NAALAD2: variants seen among roughly 807,000 people sequenced by gnomAD.
NAALAD2 encodes the protein N-acetylated alpha-linked acidic dipeptidase 2.
A neutral mutation model predicts 95.6 loss-of-function variants in NAALAD2; 89 were observed. The ratio of observed to expected loss-of-function variants is 0.93; its 90% CI spans 0.78 to 1.11. The LOEUF (loss-of-function observed/expected upper bound fraction) is 1.11, where lower values mean the gene tolerates loss of function less well. NAALAD2 is among the 50% of genes least tolerant of loss of function. The pLI is 0.00. For missense variants in NAALAD2, 894 were observed against 872.4 expected, an observed-to-expected ratio of 1.02 and a Z score of -0.31; for synonymous variants, 264 against 294.4, an observed-to-expected ratio of 0.90 and a Z score of 1.06.
chr11:90,134,687 C>A lies in NAALAD2; in HGVS notation c.-72C>A. On this transcript the variant is annotated 5_prime_UTR_variant, in exon 1 of 19. Transcript: ENST00000534061. ...CAGAGCTCACAGCCTCCTGCCAGCG[C>A]GCTCTCTGTTTCTCTGCAGCCCCGA... 6.8e-7 allele frequency: 1 copy of A among 1,473,626 alleles called. No individual in the cohort carries two copies. Among genetic ancestry groups the A allele is most frequent in the South Asian group, 1.1e-5 (1 of 87,890 alleles). The allele number at this position is 1,473,626 out of a possible 1,614,324, so 91.3% of individuals were successfully genotyped here.
In NAALAD2 at chr11:90,173,924, C is replaced by T; in HGVS notation, c.1502+9C>T. On this transcript the variant is annotated intron_variant, in intron 14 of 18. Coordinates refer to ENST00000534061, the MANE Select transcript of NAALAD2 (RefSeq NM_005467.4). ...AATAAAAATTTGCCTAGGTAAGTTACTGATATGCACCTTTTCTACTGTAGG... is the reference window on the plus strand; with the variant it reads ...AATAAAAATTTGCCTAGGTAAGTTATTGATATGCACCTTTTCTACTGTAGG... The T allele has an allele frequency of 6.4e-7, 1 of 1,560,792 alleles. No homozygotes were observed. Among genetic ancestry groups the T allele is most frequent in the African/African-American group, 1.4e-5 (1 of 73,502 alleles).
At position 90,172,142 on chromosome 11, in the gene NAALAD2, G is replaced by A. The variant is rs141911987; in HGVS notation, c.1411-1682G>A. On this transcript the variant is annotated intron_variant, in intron 13 of 18. Transcript: ENST00000534061. ...CAATCCAAGCAGGATGTAGGAACTG[G>A]AACAGAATCTCTCTCAACCATTGTA... Among the ~76,000 whole-genome samples the A allele has an allele frequency of 5.4e-4, 82 of 152,284 alleles. 1 individual carries two copies. The highest frequency in any genetic ancestry group is 6.8e-3 in the Middle Eastern group (2 of 294).
At chr11:90,162,725 C>T in intron 8 of NAALAD2, 2 of 293,944 alleles carry the variant, frequency 6.8e-6, no homozygotes, top group Non-Finnish European at 1.3e-5. Context: ...AAGGTGCATG[C>T]TTAGGTGCTT....
chr11:90,146,343 A>ATT (rs71477596), intron 2 of NAALAD2, among the ~76,000 whole-genome samples: 561 of 48,014 alleles, frequency 0.012, 16 homozygotes, highest in Non-Finnish European at 0.015. Flanking sequence ...GGGGAGTTTA[A>ATT]TTTTTTTTTT....
Position 90,163,379 on chromosome 11 carries a change from T to C in NAALAD2, c.1145T>C (p.Val382Ala). The change falls in exon 10 of 19, where the codon GTT becomes GCT. Residue 382 changes from valine (V) to alanine (A), a missense_variant. Physicochemically the swap from Val to Ala is moderately conservative, Grantham distance 64. Transcript: ENST00000534061. ...GGAGCTATTGACCCAACCAGTGGGG[T>C]TGCTGTTTTGCAAGAAATTGCCCGG... is the stretch of plus-strand genomic sequence containing the variant. ...VFGAIDPTSGVAVLQEIARSF... is the reference protein window; with the variant it reads ...VFGAIDPTSGAAVLQEIARSF... 1.2e-6 allele frequency: 2 copies of C among 1,614,054 alleles called. No individual in the cohort carries two copies. The highest frequency in any genetic ancestry group is 8.5e-7 in the Non-Finnish European group (1 of 1,179,926).
At chr11:90,172,002 AAAAG>A (rs1422819568) in intron 13 of NAALAD2, among the ~76,000 whole-genome samples, 11 of 135,156 alleles carry the variant, frequency 8.1e-5, no homozygotes, top group East Asian at 7.8e-4. Flanking sequence ...AAGAAAAGAA[AAAAG>A]AAAGAAAGAA....
At chr11:90,136,946 C>T (rs1951465808) in intron 2 of NAALAD2, among the ~76,000 whole-genome samples, 2 of 152,014 alleles carry the variant, frequency 1.3e-5, no homozygotes, top group Non-Finnish European at 1.5e-5. Flanking sequence ...TTCACAATAG[C>T]CAAGATACCA....
At chr11:90,187,919 C>T (rs1159911414) in intron 18 of NAALAD2, among the ~76,000 whole-genome samples, 1 of 152,024 alleles carries the variant, frequency 6.6e-6, no homozygotes, top group Non-Finnish European at 1.5e-5. Flanking sequence ...AAACATTAGC[C>T]AAATTATATT....
chr11:90,168,096 C>T (rs1377162147), intron 11 of NAALAD2, among the ~76,000 whole-genome samples: 3 of 151,398 alleles, frequency 2.0e-5, no homozygotes. Context: ...TGCAACTTTA[C>T]TCGTGAAGCC....
intron 4 of NAALAD2, among the ~76,000 whole-genome samples, chr11:90,149,987 C>A (rs1478803030): frequency 6.6e-6 from 1 of 152,094 alleles, no homozygotes; most frequent in African/African-American, 2.4e-5. Flanking sequence ...TGTGGTGGCT[C>A]ACACCTGTAA....
chr11:90,146,004 G>A (rs1369792221), intron 2 of NAALAD2, among the ~76,000 whole-genome samples: 2 of 152,084 alleles, frequency 1.3e-5, no homozygotes, highest in African/African-American at 2.4e-5. Context: ...AATAACAGCA[G>A]ATGAATTATT....
At chr11:90,182,877 G>T in intron 17 of NAALAD2, 39 bp from the exon 18 acceptor site, 1 of 1,288,644 alleles carries the variant, frequency 7.8e-7, no homozygotes, top group Non-Finnish European at 1.1e-6. Context: ...GCATGATTCT[G>T]CGGTTTGCGT....
intron 11 of NAALAD2, among the ~76,000 whole-genome samples, chr11:90,167,763 A>C (rs180787694): frequency 6.6e-6 from 1 of 152,164 alleles, no homozygotes; most frequent in African/African-American, 2.4e-5. Flanking sequence ...CTCTATATCT[A>C]GCTAATCTAG....
chr11:90,136,762 A>G (rs1951462451), intron 2 of NAALAD2, among the ~76,000 whole-genome samples: 1 of 152,182 alleles, frequency 6.6e-6, no homozygotes. Context: ...TTCTGTGGAT[A>G]TGTGGTTTAT....
At chr11:90,186,049 T>C (rs1422523778) in intron 18 of NAALAD2, among the ~76,000 whole-genome samples, 2 of 152,256 alleles carry the variant, frequency 1.3e-5, no homozygotes, top group East Asian at 1.9e-4. Context: ...ATTATACTTT[T>C]AAGTTTTAGG....
chr11:90,166,813 C>G (rs1432473816), intron 11 of NAALAD2, among the ~76,000 whole-genome samples: 1 of 118,798 alleles, frequency 8.4e-6, no homozygotes, highest in Admixed American at 9.4e-5. Flanking sequence ...CTGGCCTGGG[C>G]AAAAGAGCAA....
chr11:90,148,399 G>A (rs1836310190), intron 3 of NAALAD2, among the ~76,000 whole-genome samples: 1 of 152,126 alleles, frequency 6.6e-6, no homozygotes, highest in African/African-American at 2.4e-5. Flanking sequence ...ACTGTCTGGT[G>A]TGGGTGGCTA....
At chr11:90,166,953 C>T (rs1952471838) in intron 11 of NAALAD2, among the ~76,000 whole-genome samples, 1 of 152,106 alleles carries the variant, frequency 6.6e-6, no homozygotes, top group Non-Finnish European at 1.5e-5. Context: ...AGTTCGAGAA[C>T]AGCCTGGCCA....
intron 7 of NAALAD2, chr11:90,158,619 C>T (rs1293631972): frequency 5.6e-6 from 1 of 179,236 alleles, no homozygotes; most frequent in African/African-American, 2.4e-5. Flanking sequence ...GGATCAGTTG[C>T]TTAAACTTTC....
Sources: allele counts gnomAD v4.1 joint callset (sites outside exome capture counted in the v4.1 genomes callset), GRCh38; gene constraint gnomAD v4.1.1; transcripts MANE v1.5; gene names NCBI Gene and HGNC (gene_info 2026-07-23, HGNC 2026-07-21).